Variants in LRRC4C observed in about 807,000 individuals in gnomAD.
LRRC4C encodes the protein leucine-rich repeat-containing protein 4C.
Under a neutral mutation model 33.6 loss-of-function variants are expected in LRRC4C, and 5 were observed. That is an observed-to-expected ratio of 0.15 (90% CI 0.08 to 0.31). LRRC4C has a LOEUF of 0.31. LRRC4C is among the 10% of genes least tolerant of loss of function. The pLI, the probability that LRRC4C is intolerant of heterozygous loss-of-function variation, is 1.00. For missense variants in LRRC4C, 560 were observed against 796.7 expected, an observed-to-expected ratio of 0.70 and a Z score of 3.58; for synonymous variants, 329 against 302.0, an observed-to-expected ratio of 1.09 and a Z score of -0.93.
intron 1 of LRRC4C, among the ~76,000 whole-genome samples, chr11:41,370,792 C>T (rs1952718039): frequency 6.6e-6 from 1 of 152,106 alleles, no homozygotes; most frequent in South Asian, 2.1e-4. Flanking sequence ...AATCCTCCTG[C>T]CTCAACTCTC....
chr11:40,143,607 T>C (rs545336916), intron 5 of LRRC4C, among the ~76,000 whole-genome samples: 2 of 152,168 alleles, frequency 1.3e-5, no homozygotes, highest in Non-Finnish European at 2.9e-5. Flanking sequence ...CCACCTTTCA[T>C]GCAAATACCT....
intron 3 of LRRC4C, among the ~76,000 whole-genome samples, chr11:40,322,703 T>C (rs1283775891): frequency 2.0e-5 from 3 of 152,144 alleles, no homozygotes; most frequent in Non-Finnish European, 2.9e-5. Context: ...CATCTTTCTA[T>C]GGGTCACTAT....
intron 5 of LRRC4C, among the ~76,000 whole-genome samples, chr11:40,180,591 T>C (rs1860907046): frequency 6.6e-6 from 1 of 152,220 alleles, no homozygotes. Flanking sequence ...GGAATATGGC[T>C]AGCCCCCAAT....
At position 41,109,281 on chromosome 11, in the gene LRRC4C, G is replaced by T. The variant is rs193036045; in HGVS notation, c.-495-175558C>A. Among the ~76,000 whole-genome samples the T allele has an allele frequency of 4.7e-3, 710 of 152,072 alleles. 5 individuals are homozygous for T. The highest frequency in any genetic ancestry group is 0.016 in the African/African-American group (665 of 41,508). On this transcript the variant is annotated intron_variant, in intron 1 of 6. Transcript: ENST00000528697. The stretch of plus-strand genomic sequence containing the variant: ...TCAGAGTGGAAAATAATTACTGACG[G>T]ATTTCAATTGCTAAAAGACAGCTCT...
intron 3 of LRRC4C, among the ~76,000 whole-genome samples, chr11:40,397,209 T>C (rs1158416682): frequency 6.6e-6 from 1 of 152,098 alleles, no homozygotes; most frequent in African/African-American, 2.4e-5. Context: ...GATATAATTT[T>C]AAAATATTTC....
At chr11:41,296,683 A>T (rs569027341) in intron 1 of LRRC4C, among the ~76,000 whole-genome samples, 1 of 152,226 alleles carries the variant, frequency 6.6e-6, no homozygotes, top group African/African-American at 2.4e-5. Context: ...CACTTTGGGA[A>T]CCTAGCCAAG....
intron 3 of LRRC4C, among the ~76,000 whole-genome samples, chr11:40,501,439 A>T (rs148290676): frequency 6.6e-6 from 1 of 152,192 alleles, no homozygotes; most frequent in Non-Finnish European, 1.5e-5. Context: ...CCTGCAGCAA[A>T]TTTCTGCCTG....
At chr11:40,598,174 G>A (rs1244330577) in intron 3 of LRRC4C, among the ~76,000 whole-genome samples, 2 of 152,098 alleles carry the variant, frequency 1.3e-5, no homozygotes, top group African/African-American at 4.8e-5. Flanking sequence ...GAGAAACTAA[G>A]AAAAGCATCA....
At chr11:41,165,565 T>C (rs1365476001) in intron 1 of LRRC4C, among the ~76,000 whole-genome samples, 1 of 152,152 alleles carries the variant, frequency 6.6e-6, no homozygotes, top group Non-Finnish European at 1.5e-5. Context: ...AAAGTTTCAA[T>C]AATCTATACA....
intron 2 of LRRC4C, among the ~76,000 whole-genome samples, chr11:40,889,659 T>C (rs1441964604): frequency 6.6e-6 from 1 of 152,126 alleles, no homozygotes; most frequent in Non-Finnish European, 1.5e-5. Flanking sequence ...TTCTGCATTC[T>C]GGCATTCATA....
chr11:40,724,701 T>C (rs575253930), intron 2 of LRRC4C, among the ~76,000 whole-genome samples: 2 of 146,884 alleles, frequency 1.4e-5, no homozygotes, highest in Admixed American at 1.4e-4. Context: ...CTAAAGGTAC[T>C]AGAGAAACAA....
chr11:40,508,282 T>C (rs1955136672), intron 3 of LRRC4C, among the ~76,000 whole-genome samples: 1 of 152,150 alleles, frequency 6.6e-6, no homozygotes, highest in African/African-American at 2.4e-5. Flanking sequence ...TACTTTTACT[T>C]TGTACATTTC....
At chr11:40,162,273 A>T (rs1229030645) in intron 5 of LRRC4C, among the ~76,000 whole-genome samples, 1 of 152,168 alleles carries the variant, frequency 6.6e-6, no homozygotes, top group Non-Finnish European at 1.5e-5. Context: ...GCTCATAGGC[A>T]TCACAGCTGC....
intron 1 of LRRC4C, among the ~76,000 whole-genome samples, chr11:40,977,638 T>C (rs1852182229): frequency 6.6e-6 from 1 of 152,106 alleles, no homozygotes; most frequent in Non-Finnish European, 1.5e-5. Flanking sequence ...GAAAATGACT[T>C]TGTCCTTATA....
At chr11:40,926,858 A>C (rs1374466487) in intron 2 of LRRC4C, among the ~76,000 whole-genome samples, 1 of 152,212 alleles carries the variant, frequency 6.6e-6, no homozygotes, top group African/African-American at 2.4e-5. Context: ...AACTTCAGAT[A>C]TAGGCATAAA....
intron 1 of LRRC4C, among the ~76,000 whole-genome samples, chr11:41,351,842 CA>C (rs1282562480): frequency 6.6e-6 from 1 of 152,004 alleles, no homozygotes; most frequent in East Asian, 1.9e-4. Flanking sequence ...AGTTTGTTAC[CA>C]TCAGACCTGC....
At chr11:40,558,206 A>G (rs1254602880) in intron 3 of LRRC4C, among the ~76,000 whole-genome samples, 2 of 152,232 alleles carry the variant, frequency 1.3e-5, no homozygotes, top group Admixed American at 6.5e-5. Context: ...AAATGAATGT[A>G]CTGAATGATT....
chr11:41,324,562 T>A (rs895230163), intron 1 of LRRC4C, among the ~76,000 whole-genome samples: 1 of 152,212 alleles, frequency 6.6e-6, no homozygotes, highest in African/African-American at 2.4e-5. Flanking sequence ...TTGAATGACA[T>A]CCTATCTGTA....
intron 2 of LRRC4C, among the ~76,000 whole-genome samples, chr11:40,729,837 A>T (rs1947468861): frequency 6.6e-6 from 1 of 152,190 alleles, no homozygotes; most frequent in South Asian, 2.1e-4. Flanking sequence ...ATTCTTCAAC[A>T]AGTTCCTACT....
Sources: gnomAD v4.1 joint callset for allele counts (sites outside exome capture counted in the v4.1 genomes callset) on GRCh38, gnomAD v4.1.1 for gene constraint, MANE v1.5 for transcripts, NCBI Gene and HGNC (gene_info 2026-07-23, HGNC 2026-07-21) for gene names.